The following HSD17B12 variants were observed in gnomAD, a reference collection of about 807,000 sequenced individuals.
The protein encoded by HSD17B12 is hydroxysteroid 17-beta dehydrogenase 12, also known as very-long-chain 3-oxoacyl-CoA reductase.
A neutral mutation model predicts 39.3 loss-of-function variants in HSD17B12; 32 were observed. The ratio of observed to expected loss-of-function variants is 0.81; its 90% confidence interval spans 0.61 to 1.09. The LOEUF (loss-of-function observed/expected upper bound fraction) is 1.09, where lower values mean the gene tolerates loss of function less well. HSD17B12 is among the 50% of genes least tolerant of loss of function. The probability of loss-of-function intolerance (pLI) is 0.00; values close to 1 mark genes in which losing one functional copy is unlikely to be tolerated. For missense variants in HSD17B12, 342 were observed against 382.9 expected (o/e 0.89, Z 0.89); for synonymous variants, 150 against 146.7 (o/e 1.02, Z -0.16).
At chr11:43,767,760 C>T (rs1478033040) in intron 3 of HSD17B12, among the ~76,000 whole-genome samples, 1 of 152,134 alleles carries the variant, frequency 6.6e-6, no homozygotes, top group Non-Finnish European at 1.5e-5. Flanking sequence ...TAATATTTAA[C>T]AACACCAGGC....
At chr11:43,580,814 GA>G in the HSD17B12 span, among the ~76,000 whole-genome samples, 1 of 151,522 alleles carries the variant, frequency 6.6e-6, no homozygotes, top group Admixed American at 6.6e-5. Context: ...TCCCCCTTCT[GA>G]AAAAAAAGGG....
At chr11:43,677,512 T>C (rs1310453600), upstream of HSD17B12, among the ~76,000 whole-genome samples, 1 of 152,200 alleles carries the variant, frequency 6.6e-6, no homozygotes, top group Non-Finnish European at 1.5e-5. Flanking sequence ...TACATATGTA[T>C]ACATGTGCCA....
the HSD17B12 span, among the ~76,000 whole-genome samples, chr11:43,583,163 G>T: frequency 1.3e-5 from 2 of 152,304 alleles, no homozygotes; most frequent in Admixed American, 1.3e-4. Flanking sequence ...GAGAGAGGTG[G>T]CCCAAGAGAA....
chr11:43,823,624 T>G (rs1034600817), intron 6 of HSD17B12, among the ~76,000 whole-genome samples: 3 of 152,186 alleles, frequency 2.0e-5, no homozygotes, highest in African/African-American at 7.2e-5. Flanking sequence ...CTCTACAGAT[T>G]GTAAGCACCA....
At chr11:43,667,047 A>G in the HSD17B12 span, among the ~76,000 whole-genome samples, 2 of 152,286 alleles carry the variant, frequency 1.3e-5, no homozygotes, top group East Asian at 1.9e-4. Flanking sequence ...TAGTCACACC[A>G]TTTCAATTCT....
At chr11:43,798,658 C>G (rs10838172) in intron 4 of HSD17B12, among the ~76,000 whole-genome samples, 1 of 151,860 alleles carries the variant, frequency 6.6e-6, no homozygotes, top group Admixed American at 6.6e-5. Flanking sequence ...TTCTCTTATT[C>G]TCTGTGTATA....
rs151165381 is a variant in HSD17B12 at position 43,744,640 on chromosome 11, C to G, written c.161-6271C>G. ...TATCCTGGATATCCTGGATGGGATCCTAGATCAGAAAAAGGACATTCAGTA... is the reference window on the plus strand; with the variant it reads ...TATCCTGGATATCCTGGATGGGATCGTAGATCAGAAAAAGGACATTCAGTA... On this transcript the variant is annotated intron_variant, in intron 1 of 10. Transcript: ENST00000278353. Among the ~76,000 whole-genome samples, 973 of 152,062 alleles carry G rather than the reference C, an allele frequency of 6.4e-3. 5 individuals are homozygous for G. The highest frequency in any genetic ancestry group is 8.7e-3 in the Non-Finnish European group (592 of 67,958).
At chr11:43,568,432 G>T in the HSD17B12 span, among the ~76,000 whole-genome samples, 1 of 151,952 alleles carries the variant, frequency 6.6e-6, no homozygotes, top group Non-Finnish European at 1.5e-5. Context: ...TTTTAATTCA[G>T]CCCTCGAGGC....
chr11:43,848,273 C>T (rs11037674), intron 9 of HSD17B12, among the ~76,000 whole-genome samples: 54,591 of 152,024 alleles, frequency 0.36, 10,567 homozygotes, highest in East Asian at 0.69. Context: ...GGACTCAGAT[C>T]CCTTCCAACC....
At chr11:43,658,796 C>T in the HSD17B12 span, among the ~76,000 whole-genome samples, 10 of 152,254 alleles carry the variant, frequency 6.6e-5, no homozygotes, top group East Asian at 3.9e-4. Context: ...GGTGTCAGTC[C>T]GCCCCTACTG....
At chr11:43,656,259 T>C in the HSD17B12 span, among the ~76,000 whole-genome samples, 1 of 152,210 alleles carries the variant, frequency 6.6e-6, no homozygotes, top group African/African-American at 2.4e-5. Flanking sequence ...CCCTTTGTAA[T>C]TTTTTATTGC....
intron 1 of HSD17B12, among the ~76,000 whole-genome samples, chr11:43,692,626 A>G (rs1949872990): frequency 6.6e-6 from 1 of 152,248 alleles, no homozygotes; most frequent in Non-Finnish European, 1.5e-5. Flanking sequence ...AGATTTCTCC[A>G]ATTAAAGTTT....
intron 1 of HSD17B12, among the ~76,000 whole-genome samples, chr11:43,689,012 A>C (rs1449356871): frequency 2.0e-5 from 3 of 152,220 alleles, no homozygotes; most frequent in Non-Finnish European, 4.4e-5. Flanking sequence ...TAGTTCACTC[A>C]GCAGGTATAC....
At chr11:43,822,857 T>C (rs1459796704) in intron 6 of HSD17B12, among the ~76,000 whole-genome samples, 2 of 152,138 alleles carry the variant, frequency 1.3e-5, no homozygotes, top group Non-Finnish European at 2.9e-5. Flanking sequence ...AGTAATGAGA[T>C]GGCTGGGTCA....
At chr11:43,608,043 G>T in the HSD17B12 span, among the ~76,000 whole-genome samples, 1 of 152,134 alleles carries the variant, frequency 6.6e-6, no homozygotes, top group Non-Finnish European at 1.5e-5. Flanking sequence ...TGAGGTGATG[G>T]TTCCTTCAAG....
At chr11:43,738,609 G>A (rs2134907843) in intron 1 of HSD17B12, among the ~76,000 whole-genome samples, 1 of 152,284 alleles carries the variant, frequency 6.6e-6, no homozygotes, top group Admixed American at 6.5e-5. Flanking sequence ...AAAAAGCAGT[G>A]GGTAGGGTCA....
At chr11:43,643,668 A>C in the HSD17B12 span, among the ~76,000 whole-genome samples, 4 of 152,246 alleles carry the variant, frequency 2.6e-5, no homozygotes, top group Non-Finnish European at 5.9e-5. Context: ...ATTAGGACTT[A>C]CTTGGAGTCG....
At chr11:43,730,999 T>G (rs896393517) in intron 1 of HSD17B12, among the ~76,000 whole-genome samples, 6 of 152,054 alleles carry the variant, frequency 3.9e-5, no homozygotes, top group Non-Finnish European at 8.8e-5. Context: ...AGAATATTAT[T>G]AAATTTTTTT....
At chr11:43,603,600 G>C in the HSD17B12 span, among the ~76,000 whole-genome samples, 2 of 152,122 alleles carry the variant, frequency 1.3e-5, no homozygotes, top group African/African-American at 4.8e-5. Context: ...TGTTGTAAGT[G>C]ATGGGTTATA....
Sources: allele counts gnomAD v4.1 joint callset (sites outside exome capture counted in the v4.1 genomes callset), GRCh38; gene constraint gnomAD v4.1.1; transcripts MANE v1.5; gene names NCBI Gene and HGNC (gene_info 2026-07-23, HGNC 2026-07-21).